The following CACNA1C variants were observed in gnomAD, a reference collection of about 807,000 sequenced individuals.
The protein encoded by CACNA1C is calcium voltage-gated channel subunit alpha1 C.
A neutral mutation model predicts 229.0 loss-of-function variants in CACNA1C; 30 were observed. That is an observed-to-expected ratio of 0.13 (90% CI 0.10 to 0.18). CACNA1C has a LOEUF of 0.18. CACNA1C is among the 10% of genes least tolerant of loss of function. CACNA1C has a pLI of 1.00. For missense variants in CACNA1C, 1,658 were observed against 2,845.0 expected (o/e 0.58, Z 9.49); for synonymous variants, 1,114 against 1,132.5 (o/e 0.98, Z 0.33).
chr12:2,639,248 C>T lies in CACNA1C; in HGVS notation c.3912+4868C>T, dbSNP rs1267109607. On this transcript the variant is annotated intron_variant, in intron 30 of 46. Coordinates refer to ENST00000399655, the MANE Select transcript of CACNA1C (RefSeq NM_000719.7). This position sits in a 1 kb window ranked among gnomAD's most constrained non-coding sequence, Gnocchi z 4.2. The stretch of plus-strand genomic sequence containing the variant: ...GGTAAGAGTGCGATGTCCTGCTGCT[C>T]TAGGGAAGCCTCTTGCTCTTCCTCA... Among the ~76,000 whole-genome samples, 1 of 152,176 alleles carries T rather than the reference C, an allele frequency of 6.6e-6. No homozygotes were observed. The highest frequency in any genetic ancestry group is 2.4e-5 in the African/African-American group (1 of 41,436).
At chr12:2,598,924 A>G (rs1371007163) in intron 21 of CACNA1C, among the ~76,000 whole-genome samples, 1 of 152,140 alleles carries the variant, frequency 6.6e-6, no homozygotes, top group Non-Finnish European at 1.5e-5. Flanking sequence ...GGAGGTCGGG[A>G]GAGGGAACCG....
chr12:2,026,934 C>A (rs1171937274), intron 1 of CACNA1C, among the ~76,000 whole-genome samples: 1 of 152,038 alleles, frequency 6.6e-6, no homozygotes, highest in Non-Finnish European at 1.5e-5. Flanking sequence ...TTTAAAAGAA[C>A]TAAAACTACA....
At chr12:2,082,077 G>A (rs968805896) in intron 1 of CACNA1C, among the ~76,000 whole-genome samples, 21 of 152,172 alleles carry the variant, frequency 1.4e-4, no homozygotes, top group African/African-American at 4.6e-4. Flanking sequence ...ATCACTGAGG[G>A]TAACACACAG....
chr12:2,083,293 A>T (rs2066372012), intron 1 of CACNA1C, among the ~76,000 whole-genome samples: 1 of 151,922 alleles, frequency 6.6e-6, no homozygotes, highest in Non-Finnish European at 1.5e-5. Context: ...GAAGCCATGG[A>T]CTCCTCCAAT....
rs1175752327 is a variant in CACNA1C, at chr12:2,289,496, G to C, written c.478-159480G>C. On this transcript the variant is annotated intron_variant, in intron 3 of 46. Coordinates refer to ENST00000399655, the MANE Select transcript of CACNA1C (RefSeq NM_000719.7). Reference sequence around the variant, plus strand: ...TGCAGAGTCTATTAAATGTGTGCTTGCTGCCTGGTCTCCGGTATAGTCAGG... The same window carrying C: ...TGCAGAGTCTATTAAATGTGTGCTTCCTGCCTGGTCTCCGGTATAGTCAGG... 3.3e-5 allele frequency among the ~76,000 whole-genome samples: 5 copies of C among 152,148 alleles called. No individual in the cohort carries two copies. In the East Asian group the frequency reaches 9.6e-4, roughly 29 times the overall value.
At chr12:2,509,169 T>C (rs2099778098) in intron 8 of CACNA1C, among the ~76,000 whole-genome samples, 1 of 151,886 alleles carries the variant, frequency 6.6e-6, no homozygotes, top group Non-Finnish European at 1.5e-5. Flanking sequence ...ACCCGGGAGG[T>C]AGGCATTTTA....
At chr12:2,687,103 C>G (rs953941332) in intron 45 of CACNA1C, among the ~76,000 whole-genome samples, 1 of 152,192 alleles carries the variant, frequency 6.6e-6, no homozygotes, top group Non-Finnish European at 1.5e-5. Flanking sequence ...AACAGGTTTT[C>G]TTAGCCTGTG....
At chr12:2,449,950 G>T (rs112847682) in intron 4 of CACNA1C, among the ~76,000 whole-genome samples, 1 of 152,138 alleles carries the variant, frequency 6.6e-6, no homozygotes, top group African/African-American at 2.4e-5. Flanking sequence ...TCTACAGGGG[G>T]CCTGGTTCTG....
intron 3 of CACNA1C, among the ~76,000 whole-genome samples, chr12:2,157,445 C>T (rs749137456): frequency 3.9e-5 from 6 of 152,236 alleles, no homozygotes; most frequent in South Asian, 4.1e-4. Context: ...GAGGGCAGCA[C>T]GCCCGGGGCG....
At chr12:2,082,785 T>C (rs569716805) in intron 1 of CACNA1C, among the ~76,000 whole-genome samples, 1 of 152,332 alleles carries the variant, frequency 6.6e-6, no homozygotes, top group African/African-American at 2.4e-5. Context: ...GAGTGGGATG[T>C]CTTGCGTTCA....
At chr12:2,212,889 C>T (rs114672315) in intron 3 of CACNA1C, among the ~76,000 whole-genome samples, 109 of 152,306 alleles carry the variant, frequency 7.2e-4, no homozygotes, top group African/African-American at 2.6e-3. Context: ...GACATCAGAG[C>T]CAAACTGGAA....
intron 3 of CACNA1C, among the ~76,000 whole-genome samples, chr12:2,294,993 GCCCCAC>G (rs1056070364): frequency 2.4e-4 from 36 of 152,150 alleles, no homozygotes; most frequent in African/African-American, 8.2e-4. Context: ...TTTGGCCTGT[GCCCCAC>G]CCTAGCCCTC....
intron 1 of CACNA1C, among the ~76,000 whole-genome samples, chr12:2,032,874 T>C (rs2048464827): frequency 6.6e-6 from 1 of 152,234 alleles, no homozygotes; most frequent in South Asian, 2.1e-4. Context: ...TTAACAACGC[T>C]GAAGCGCTGG....
chr12:2,657,597 T>C (rs960386504), intron 34 of CACNA1C, among the ~76,000 whole-genome samples: 4 of 151,952 alleles, frequency 2.6e-5, no homozygotes, highest in African/African-American at 7.2e-5. Context: ...ACATGGAAAT[T>C]AGAATAATAA....
At chr12:2,351,259 A>G (rs1197685212) in intron 3 of CACNA1C, among the ~76,000 whole-genome samples, 1 of 152,224 alleles carries the variant, frequency 6.6e-6, no homozygotes, top group East Asian at 1.9e-4. Context: ...GTCTCCAGAT[A>G]CTGCCAAATG....
chr12:2,262,102 G>A (rs1174185246), intron 3 of CACNA1C, among the ~76,000 whole-genome samples: 1 of 152,272 alleles, frequency 6.6e-6, no homozygotes, highest in African/African-American at 2.4e-5. Flanking sequence ...GCACAGTGGA[G>A]TGCTTCAGGA....
intron 3 of CACNA1C, among the ~76,000 whole-genome samples, chr12:2,422,996 A>G (rs1028397085): frequency 2.0e-5 from 3 of 152,194 alleles, no homozygotes; most frequent in Non-Finnish European, 1.5e-5. Context: ...TTTTCTTTCA[A>G]TTCCATAATT....
intron 6 of CACNA1C, among the ~76,000 whole-genome samples, chr12:2,491,252 G>A (rs958667591): frequency 2.0e-5 from 3 of 152,196 alleles, no homozygotes; most frequent in Non-Finnish European, 4.4e-5. Flanking sequence ...GCAAGCAGGC[G>A]AGGGGGGTTT....
At chr12:2,582,489 C>T (rs1237234688) in intron 14 of CACNA1C, among the ~76,000 whole-genome samples, 1 of 152,168 alleles carries the variant, frequency 6.6e-6, no homozygotes. Context: ...GCTGTCTCAG[C>T]AAACACACAA....
Sources: gnomAD v4.1 joint callset for allele counts (sites outside exome capture counted in the v4.1 genomes callset) on GRCh38, gnomAD v4.1.1 for gene constraint, Gnocchi (gnomAD v3.1) non-coding constraint, MANE v1.5 for transcripts, NCBI Gene and HGNC (gene_info 2026-07-23, HGNC 2026-07-21) for gene names.